Variants in NAV2 observed in about 807,000 individuals in gnomAD.
NAV2 encodes neuron navigator 2, also known as helicase, APC down-regulated 1.
NAV2 carries 54 observed loss-of-function variants against 223.2 expected under a neutral mutation model. The ratio of observed to expected loss-of-function variants is 0.24; its 90% CI spans 0.19 to 0.30. The LOEUF (loss-of-function observed/expected upper bound fraction) is 0.30. Among genes scored for constraint, NAV2 ranks in the 10% least tolerant of loss-of-function variants. NAV2 has a pLI of 1.00. For missense variants in NAV2, 2,806 were observed against 3,147.5 expected (o/e 0.89, Z 2.60); for synonymous variants, 1,279 against 1,239.3 (o/e 1.03, Z -0.67).
chr11:19,361,373 G>A (rs1047738867), intron 1 of NAV2, among the ~76,000 whole-genome samples: 58 of 152,070 alleles, frequency 3.8e-4, no homozygotes, highest in African/African-American at 1.3e-3. Context: ...CACCTCTCGA[G>A]TGACAGGCAT....
intron 6 of NAV2, among the ~76,000 whole-genome samples, chr11:19,906,240 C>T (rs948602846): frequency 2.6e-5 from 4 of 152,138 alleles, no homozygotes; most frequent in Non-Finnish European, 4.4e-5. Flanking sequence ...AGTTCGAAGG[C>T]AGAGAGTTGA....
chr11:19,584,708 T>A (rs2045836922), intron 1 of NAV2, among the ~76,000 whole-genome samples: 1 of 152,174 alleles, frequency 6.6e-6, no homozygotes, highest in East Asian at 1.9e-4. Flanking sequence ...TTTCTTAATC[T>A]TGAGTTCTAG....
rs2153456505 is a variant in NAV2, at chr11:19,986,000, T to G, written c.2768+1753T>G. On this transcript the variant is annotated intron_variant, in intron 11 of 37. Transcript: ENST00000349880. ...ACTGGAGATTTGACAATTTGCCAAA[T>G]TATTTTGCTTATTTGTATTCTTCTA... Among the ~76,000 whole-genome samples, 2 of 152,318 alleles carry G rather than the reference T, an allele frequency of 1.3e-5. 1 individual carries two copies. The highest frequency in any genetic ancestry group is 6.8e-3 in the Middle Eastern group (2 of 294).
intron 1 of NAV2, among the ~76,000 whole-genome samples, chr11:19,366,011 A>G (rs1848265119): frequency 1.3e-5 from 2 of 152,228 alleles, no homozygotes; most frequent in African/African-American, 4.8e-5. Flanking sequence ...TGAAGGAGCC[A>G]GAGAGGAAGG....
At chr11:20,101,598 C>T (rs777737103) in intron 32 of NAV2, among the ~76,000 whole-genome samples, 36 of 152,298 alleles carry the variant, frequency 2.4e-4, no homozygotes, top group Middle Eastern at 6.8e-3. Context: ...AATACCTTCA[C>T]GGGAGTAGTT....
chr11:19,550,082 G>T (rs1204260007), intron 1 of NAV2, among the ~76,000 whole-genome samples: 1 of 152,182 alleles, frequency 6.6e-6, no homozygotes, highest in African/African-American at 2.4e-5. Context: ...GATTTAGATT[G>T]CCCTGGACTT....
chr11:19,939,576 G>A lies in NAV2; in HGVS notation c.2034-85G>A, dbSNP rs963402562. 1.6e-5 allele frequency: 15 copies of A among 948,330 alleles called. No homozygotes were observed. The African/African-American group carries it at 1.6e-4, about 10-fold the overall frequency. The allele number at this position is 948,330 out of a possible 1,614,324, so 58.7% of individuals were successfully genotyped here. Reference sequence around the variant, plus strand: ...AAGCTTCTTGCTACAGGAGGTGATGGTGAGGGCTGTGGTTAGACCACAGTG... The same window carrying A: ...AAGCTTCTTGCTACAGGAGGTGATGATGAGGGCTGTGGTTAGACCACAGTG... On this transcript the variant is annotated intron_variant, in intron 7 of 37. Coordinates refer to ENST00000349880, the MANE Select transcript of NAV2 (RefSeq NM_145117.5).
intron 25 of NAV2, 76 bp from the exon 26 acceptor site, chr11:20,082,931 G>C: frequency 7.4e-7 from 1 of 1,352,316 alleles, no homozygotes; most frequent in Non-Finnish European, 1.0e-6. Context: ...TCGCTTTTTT[G>C]TGTGCATGTC....
At chr11:19,611,194 G>A (rs960788255) in intron 1 of NAV2, among the ~76,000 whole-genome samples, 5 of 151,094 alleles carry the variant, frequency 3.3e-5, no homozygotes, top group African/African-American at 1.2e-4. Flanking sequence ...CATGAGAATA[G>A]CATGGGAAAG....
At chr11:19,999,297 C>T (rs569208291) in intron 11 of NAV2, among the ~76,000 whole-genome samples, 10 of 152,204 alleles carry the variant, frequency 6.6e-5, no homozygotes, top group Non-Finnish European at 7.3e-5. Context: ...TCAAAAAAAT[C>T]GGGTTATTCA....
chr11:19,791,412 T>C (rs1376054182), intron 1 of NAV2, among the ~76,000 whole-genome samples: 2 of 152,112 alleles, frequency 1.3e-5, no homozygotes, highest in Admixed American at 1.3e-4. Flanking sequence ...CCAAGTTCCT[T>C]TCCTTTCCTG....
chr11:19,695,909 A>ATAATATAAAATAAAATAAAATAAAG (rs1348070156), intron 1 of NAV2, among the ~76,000 whole-genome samples: 17 of 151,348 alleles, frequency 1.1e-4, no homozygotes, highest in Middle Eastern at 3.2e-3. Flanking sequence ...ATAAAATAAA[A>ATAATATAAAATAAAATAAAATAAAG]TAAAATAAAG....
chr11:19,765,062 A>C (rs1003375293), intron 1 of NAV2, among the ~76,000 whole-genome samples: 3 of 152,066 alleles, frequency 2.0e-5, no homozygotes, highest in African/African-American at 7.2e-5. Flanking sequence ...ACCACCCTGG[A>C]CCCTGCAGTC....
At position 19,384,989 on chromosome 11, in the gene NAV2, C is replaced by T. The variant is rs530008644; in HGVS notation, c.75+33962C>T. On this transcript the variant is annotated intron_variant, in intron 1 of 37. Coordinates refer to the NAV2 transcript ENST00000360655. ...AATATATAAAGATTTCCTAGAAATG[C>T]GCAATAAAAAGACAACTCAAAAAAA... The T allele has an allele frequency of 9.2e-5, 14 of 152,110 alleles. No individual in the cohort carries two copies. The South Asian group carries it at 1.7e-3, about 18-fold the overall frequency. The allele number at this position is 152,110 out of a possible 1,614,324, so 9.4% of individuals were successfully genotyped here.
chr11:19,918,012 C>G (rs539057591), intron 6 of NAV2, among the ~76,000 whole-genome samples: 1 of 152,100 alleles, frequency 6.6e-6, no homozygotes, highest in Admixed American at 6.5e-5. Context: ...CCTCTACCTT[C>G]TCCAGCTTTT....
At chr11:19,512,073 T>C (rs190351526) in intron 1 of NAV2, among the ~76,000 whole-genome samples, 6 of 152,326 alleles carry the variant, frequency 3.9e-5, no homozygotes, top group Admixed American at 3.3e-4. Context: ...TTGCTTTGCA[T>C]GGACAGGTTC....
intron 1 of NAV2, among the ~76,000 whole-genome samples, chr11:19,792,383 T>C (rs191365572): frequency 9.8e-5 from 15 of 152,344 alleles, no homozygotes; most frequent in Admixed American, 1.3e-4. Context: ...GGCCAGCCCA[T>C]TGGCTCCTCG....
intron 23 of NAV2, 76 bp downstream of exon 23, chr11:20,077,711 A>T: frequency 8.4e-7 from 1 of 1,186,696 alleles, no homozygotes; most frequent in East Asian, 2.3e-5. Flanking sequence ...CTTTCATTTC[A>T]GATCATTGTG....
intron 1 of NAV2, among the ~76,000 whole-genome samples, chr11:19,754,957 A>G (rs10833164): frequency 0.11 from 16,921 of 151,954 alleles, 1,106 homozygotes; most frequent in East Asian, 0.24. Flanking sequence ...TGAACTCTGC[A>G]TTCCTCACCC....
Sources: gnomAD v4.1 joint callset for allele counts (sites outside exome capture counted in the v4.1 genomes callset) on GRCh38, gnomAD v4.1.1 for gene constraint, MANE v1.5 for transcripts, NCBI Gene and HGNC (gene_info 2026-07-23, HGNC 2026-07-21) for gene names.